The following SPAG16 variants were observed in gnomAD, a reference collection of about 807,000 sequenced individuals.
The protein encoded by SPAG16 is sperm associated antigen 16.
SPAG16 carries 86 observed loss-of-function variants against 80.4 expected under a neutral mutation model. The observed-to-expected ratio is 1.07, with a 90% confidence interval of 0.90 to 1.28. The LOEUF is 1.28. Among genes scored for constraint, SPAG16 ranks in the 50% most tolerant of loss-of-function variants. SPAG16 has a pLI of 0.00. For synonymous variants in SPAG16, 294 were observed against 265.9 expected, an observed-to-expected ratio of 1.11 and a Z score of -1.03; for missense variants, 870 against 765.3, an observed-to-expected ratio of 1.14 and a Z score of -1.61.
rs1361340756 is a variant in SPAG16 at position 213,673,571 on chromosome 2, G to T, written c.1070+183481G>T. Among the ~76,000 whole-genome samples the T allele has an allele frequency of 2.0e-5, 3 of 152,128 alleles. No individual in the cohort carries two copies. In the East Asian group the frequency reaches 5.8e-4, roughly 29 times the overall value. ...CAAGACCATTGAGTCAAGGGAAAAA[G>T]CACATTGCAGAAGAGGATACACAAT... is the stretch of plus-strand genomic sequence containing the variant. On this transcript the variant is annotated intron_variant, in intron 10 of 15. Transcript: ENST00000331683.
intron 10 of SPAG16, among the ~76,000 whole-genome samples, chr2:213,671,668 A>T (rs1228327829): frequency 1.3e-5 from 2 of 152,206 alleles, no homozygotes; most frequent in Non-Finnish European, 2.9e-5. Flanking sequence ...GTTATTTCCC[A>T]GACCTTGCTC....
chr2:214,266,263 T>A (rs1691560408), intron 15 of SPAG16, among the ~76,000 whole-genome samples: 1 of 151,962 alleles, frequency 6.6e-6, no homozygotes, highest in South Asian at 2.1e-4. Context: ...GCCTGTAGCA[T>A]GTATTAAGTC....
chr2:213,606,046 A>G (rs2061249370), intron 10 of SPAG16, among the ~76,000 whole-genome samples: 1 of 152,112 alleles, frequency 6.6e-6, no homozygotes, highest in Non-Finnish European at 1.5e-5. Flanking sequence ...GACTTTATTA[A>G]CCTTAGAGGA....
rs185713390 is a variant in SPAG16, at chr2:213,833,346, A to G, written c.1071-29139A>G. On this transcript the variant is annotated intron_variant, in intron 10 of 15. Transcript: ENST00000331683. ...GTGTATGAATTGTATTAACCCTGGT[A>G]TAACCATATTTTATACCTACAAGTG... Among the ~76,000 whole-genome samples the G allele has an allele frequency of 1.6e-3, 217 of 137,344 alleles. 1 individual carries two copies. The highest frequency in any genetic ancestry group is 5.7e-3 in the African/African-American group (207 of 36,046). 90.1% of individuals were successfully genotyped at this position (137,344 alleles called of 152,430 possible).
chr2:213,757,227 A>G (rs187221802), intron 10 of SPAG16, among the ~76,000 whole-genome samples: 136 of 152,334 alleles, frequency 8.9e-4, no homozygotes, highest in Non-Finnish European at 1.6e-3. Context: ...ATGGTAATAA[A>G]TAGACATATA....
intron 10 of SPAG16, among the ~76,000 whole-genome samples, chr2:213,681,041 C>T (rs1451864352): frequency 6.6e-6 from 1 of 151,888 alleles, no homozygotes; most frequent in African/African-American, 2.4e-5. Context: ...TAGCTGACTT[C>T]AGAGAGAGAG....
intron 12 of SPAG16, among the ~76,000 whole-genome samples, chr2:213,968,795 T>C (rs971880243): frequency 1.3e-5 from 2 of 152,240 alleles, no homozygotes; most frequent in African/African-American, 2.4e-5. Flanking sequence ...ATCACCTTGA[T>C]AAAAACATGA....
At chr2:214,258,049 T>C (rs1253999087) in intron 15 of SPAG16, among the ~76,000 whole-genome samples, 1 of 152,138 alleles carries the variant, frequency 6.6e-6, no homozygotes, top group African/African-American at 2.4e-5. Context: ...TCAAGAAATT[T>C]GTTCATTGCA....
At chr2:214,117,497 C>G (rs1336737126) in intron 14 of SPAG16, among the ~76,000 whole-genome samples, 1 of 152,098 alleles carries the variant, frequency 6.6e-6, no homozygotes. Context: ...CTAACTCATC[C>G]TATGAGAACA....
chr2:213,885,677 G>A (rs1432743669), intron 11 of SPAG16, among the ~76,000 whole-genome samples: 1 of 152,128 alleles, frequency 6.6e-6, no homozygotes, highest in African/African-American at 2.4e-5. Flanking sequence ...AATCTATAAT[G>A]GAAGTCAACA....
intron 9 of SPAG16, among the ~76,000 whole-genome samples, chr2:213,412,122 T>A (rs1351448937): frequency 6.6e-6 from 1 of 152,142 alleles, no homozygotes; most frequent in Non-Finnish European, 1.5e-5. Context: ...CCCTAACTCA[T>A]TCCGATCACC....
chr2:214,149,050 T>G, intron 14 of SPAG16, 90 bp from the exon 15 acceptor site: 1 of 303,272 alleles, frequency 3.3e-6, no homozygotes, highest in Non-Finnish European at 4.7e-6. Context: ...GTAGTGTGTG[T>G]GTGTATATAT....
intron 12 of SPAG16, among the ~76,000 whole-genome samples, chr2:213,930,663 T>C (rs965791446): frequency 5.3e-5 from 8 of 152,214 alleles, no homozygotes; most frequent in East Asian, 1.9e-4. Flanking sequence ...CCTATACATA[T>C]CATGTGGATT....
intron 10 of SPAG16, among the ~76,000 whole-genome samples, chr2:213,601,787 C>T (rs1424313976): frequency 2.6e-5 from 4 of 152,194 alleles, no homozygotes; most frequent in African/African-American, 9.7e-5. Context: ...AGTACAGTAA[C>T]ATGCTATACA....
intron 12 of SPAG16, among the ~76,000 whole-genome samples, chr2:214,008,648 G>A (rs1340585680): frequency 1.3e-5 from 2 of 152,040 alleles, no homozygotes; most frequent in East Asian, 1.9e-4. Flanking sequence ...CAGAGGCTGA[G>A]GTAGGAGAAT....
At chr2:214,027,327 A>G (rs981401771) in intron 13 of SPAG16, among the ~76,000 whole-genome samples, 2 of 151,620 alleles carry the variant, frequency 1.3e-5, no homozygotes, top group Admixed American at 6.6e-5. Context: ...TCTCATTCTT[A>G]TTATCAATGT....
chr2:213,980,708 G>GTATATATATATATA (rs796912299), intron 12 of SPAG16, among the ~76,000 whole-genome samples: 47 of 102,680 alleles, frequency 4.6e-4, no homozygotes, highest in African/African-American at 1.9e-3. Context: ...GTGTGTGTGT[G>GTATATATATATATA]TGTGTATATA....
chr2:213,913,716 T>C (rs1229690881), intron 11 of SPAG16, among the ~76,000 whole-genome samples: 1 of 151,892 alleles, frequency 6.6e-6, no homozygotes, highest in Non-Finnish European at 1.5e-5. Context: ...TGCATATATA[T>C]ACAAAGAGAT....
intron 15 of SPAG16, among the ~76,000 whole-genome samples, chr2:214,183,474 A>C (rs1559112250): frequency 1.3e-5 from 2 of 152,010 alleles, no homozygotes; most frequent in Admixed American, 6.6e-5. Flanking sequence ...CTCTCAGCTA[A>C]AATGTGGCTA....
Sources: gnomAD v4.1 joint callset for allele counts (sites outside exome capture counted in the v4.1 genomes callset) on GRCh38, gnomAD v4.1.1 for gene constraint, MANE v1.5 for transcripts, NCBI Gene and HGNC (gene_info 2026-07-23, HGNC 2026-07-21) for gene names.